The following CNTNAP4 variants were observed in gnomAD, a reference collection of about 807,000 sequenced individuals.
The protein encoded by CNTNAP4 is contactin associated protein family member 4, also known as contactin-associated protein-like 4.
A neutral mutation model predicts 148.4 loss-of-function variants in CNTNAP4; 98 were observed. That is an observed-to-expected ratio of 0.66 (90% CI 0.56 to 0.78). The LOEUF is 0.78. Ranked by LOEUF, CNTNAP4 falls within the 30% of genes least tolerant of loss-of-function variation. CNTNAP4 has a pLI of 0.00. For missense variants in CNTNAP4, 1,935 were observed against 1,565.6 expected (o/e 1.24, Z -3.98); for synonymous variants, 730 against 565.1 (o/e 1.29, Z -4.14).
chr16:76,406,463 G>T (rs1212055123), intron 3 of CNTNAP4, among the ~76,000 whole-genome samples: 1 of 152,042 alleles, frequency 6.6e-6, no homozygotes, highest in African/African-American at 2.4e-5. Flanking sequence ...GAAGAGTCAT[G>T]TGTCTTTCAT....
At chr16:76,394,942 C>G (rs1443734229) in intron 3 of CNTNAP4, among the ~76,000 whole-genome samples, 1 of 152,112 alleles carries the variant, frequency 6.6e-6, no homozygotes, top group African/African-American at 2.4e-5. Flanking sequence ...TCCTCTTTTA[C>G]CACCGTGATA....
At chr16:76,434,823 A>G (rs551362186) in intron 4 of CNTNAP4, among the ~76,000 whole-genome samples, 2 of 152,260 alleles carry the variant, frequency 1.3e-5, no homozygotes, top group South Asian at 2.1e-4. Context: ...GCACTGGGGA[A>G]ATGACCACAG....
At chr16:76,337,849 C>T (rs1269519660) in intron 2 of CNTNAP4, among the ~76,000 whole-genome samples, 1 of 152,202 alleles carries the variant, frequency 6.6e-6, no homozygotes, top group African/African-American at 2.4e-5. Context: ...ATTTCTCCTA[C>T]TTGCTTTCTG....
At chr16:76,476,596 A>G (rs2078303177) in intron 11 of CNTNAP4, among the ~76,000 whole-genome samples, 1 of 152,200 alleles carries the variant, frequency 6.6e-6, no homozygotes, top group South Asian at 2.1e-4. Context: ...CTGGAGGCTG[A>G]GAAGTTCAAG....
rs993664786 is a variant in CNTNAP4 at position 76,290,963 on chromosome 16, G to GGA, written c.85+13226_85+13227dup. On this transcript the variant is annotated intron_variant, in intron 1 of 23. Transcript: ENST00000611870. ...ATGTGGCCTTTCCTTTGTGCACATG[G>GGA]GAGAGAGAGAGCGATATCTCTGGTG... Among the ~76,000 whole-genome samples, 10 of 152,048 alleles carry GGA rather than the reference G, an allele frequency of 6.6e-5. No individual in the cohort carries two copies. The South Asian group carries it at 1.0e-3, about 16-fold the overall frequency.
intron 4 of CNTNAP4, among the ~76,000 whole-genome samples, chr16:76,444,148 AG>A (rs2080150927): frequency 6.6e-6 from 1 of 152,182 alleles, no homozygotes; most frequent in Admixed American, 6.6e-5. Context: ...TAATATTACT[AG>A]GTAGATACGC....
chr16:76,373,536 A>C (rs1026798711), intron 3 of CNTNAP4, among the ~76,000 whole-genome samples: 1 of 152,160 alleles, frequency 6.6e-6, no homozygotes, highest in Non-Finnish European at 1.5e-5. Context: ...TAGAAGAGCC[A>C]TGGTTTTAGG....
intron 3 of CNTNAP4, among the ~76,000 whole-genome samples, chr16:76,387,639 G>A (rs1567961936): frequency 6.6e-6 from 1 of 152,104 alleles, no homozygotes; most frequent in Non-Finnish European, 1.5e-5. Context: ...TGAAACTTCA[G>A]AATTAATGCT....
chr16:76,490,466 G>A (rs2082175508), intron 13 of CNTNAP4, among the ~76,000 whole-genome samples: 1 of 151,884 alleles, frequency 6.6e-6, no homozygotes, highest in Admixed American at 6.6e-5. Flanking sequence ...CTTTCTTTAG[G>A]GCATCTCATT....
At chr16:76,377,840 A>G (rs183612516) in intron 3 of CNTNAP4, among the ~76,000 whole-genome samples, 2 of 152,322 alleles carry the variant, frequency 1.3e-5, no homozygotes, top group East Asian at 3.9e-4. Context: ...CATGTGGGAA[A>G]AGTTAGCACA....
At chr16:76,498,439 T>G (rs1257162333) in intron 14 of CNTNAP4, 128 bp from the exon 15 acceptor site, 2 of 584,404 alleles carry the variant, frequency 3.4e-6, no homozygotes, top group Non-Finnish European at 5.9e-6. Flanking sequence ...TGTTTTTATG[T>G]GCTCCGATGA....
intron 17 of CNTNAP4, among the ~76,000 whole-genome samples, chr16:76,530,923 A>G (rs528260412): frequency 8.5e-5 from 13 of 152,098 alleles, no homozygotes; most frequent in Non-Finnish European, 1.6e-4. Flanking sequence ...ATAGAAGACA[A>G]CTTTTTCCCT....
chr16:76,498,516 TAAG>T (rs1396768370), intron 14 of CNTNAP4, 48 bp from the exon 15 acceptor site: 4 of 1,554,976 alleles, frequency 2.6e-6, no homozygotes, highest in African/African-American at 1.4e-5. Flanking sequence ...TGCAATGCAA[TAAG>T]GACTATTAAA....
chr16:76,495,836 T>C (rs2082383464), intron 14 of CNTNAP4, among the ~76,000 whole-genome samples: 1 of 152,090 alleles, frequency 6.6e-6, no homozygotes, highest in Non-Finnish European at 1.5e-5. Flanking sequence ...CTGGATGTAA[T>C]ATGAGTGATT....
In CNTNAP4 at chr16:76,320,161, C is replaced by T. The variant is rs879798516; in HGVS notation, c.196+3638C>T. On this transcript the variant is annotated intron_variant, in intron 2 of 23. Transcript: ENST00000611870. ...AAGAAAAGAGGGTCATGTTATTGGA[C>T]ATAGGAGGGAAAGCAATCCTTGTTA... Among the ~76,000 whole-genome samples the T allele has an allele frequency of 2.6e-5, 4 of 152,226 alleles. No homozygotes were observed. The East Asian group carries it at 5.8e-4, about 22-fold the overall frequency.
rs534752407 is a variant in CNTNAP4, at chr16:76,423,640, C to T, written c.391-3812C>T. On this transcript the variant is annotated intron_variant, in intron 3 of 23. Coordinates refer to ENST00000611870, the MANE Select transcript of CNTNAP4 (RefSeq NM_033401.5). The stretch of plus-strand genomic sequence containing the variant: ...ACTCAATAGCATGCACTGAACTTTT[C>T]ATTTATAAAGTAATATAGCATCATA... 2.0e-5 allele frequency among the ~76,000 whole-genome samples: 3 copies of T among 152,186 alleles called. No homozygotes were observed. The East Asian group carries it at 5.8e-4, about 29-fold the overall frequency.
At chr16:76,416,297 C>T (rs1283971173) in intron 3 of CNTNAP4, among the ~76,000 whole-genome samples, 1 of 151,208 alleles carries the variant, frequency 6.6e-6, no homozygotes, top group East Asian at 1.9e-4. Flanking sequence ...TTCTTTCCTT[C>T]TGCATTCTTT....
At chr16:76,473,544 C>T (rs1002600138) in intron 10 of CNTNAP4, among the ~76,000 whole-genome samples, 5 of 152,096 alleles carry the variant, frequency 3.3e-5, no homozygotes, top group South Asian at 2.1e-4. Flanking sequence ...GAGGCCGAGG[C>T]GGGCAGATCA....
chr16:76,499,837 G>C (rs978889954), intron 15 of CNTNAP4, among the ~76,000 whole-genome samples: 3 of 152,000 alleles, frequency 2.0e-5, no homozygotes, highest in African/African-American at 7.2e-5. Flanking sequence ...TTAACCCTTA[G>C]TGGACACAGC....
Sources: gnomAD v4.1 joint callset for allele counts (sites outside exome capture counted in the v4.1 genomes callset) on GRCh38, gnomAD v4.1.1 for gene constraint, MANE v1.5 for transcripts, NCBI Gene and HGNC (gene_info 2026-07-23, HGNC 2026-07-21) for gene names.